The following FSTL5 variants were observed in gnomAD, a reference collection of about 807,000 sequenced individuals.
FSTL5 encodes the protein follistatin-related protein 5.
In FSTL5, 62 loss-of-function variants were observed where a neutral mutation model predicts 89.1. That is an observed-to-expected ratio of 0.70 (90% CI 0.57 to 0.86). The LOEUF is 0.86. Ranked by LOEUF, FSTL5 falls within the 40% of genes least tolerant of loss-of-function variation. The pLI, the probability that FSTL5 is intolerant of heterozygous loss-of-function variation, is 0.00. For missense variants in FSTL5, 1,057 were observed against 1,001.6 expected, an observed-to-expected ratio of 1.06 and a Z score of -0.75; for synonymous variants, 383 against 346.2, an observed-to-expected ratio of 1.11 and a Z score of -1.18.
rs904179284 is a variant in FSTL5, at chr4:161,529,661, T to G, written c.1312+8505A>C. On this transcript the variant is annotated intron_variant, in intron 10 of 15. Transcript: ENST00000306100. ...TATATTTAATAAAATATATGAAAATTAATATTTTTATTCATTGATTTATTT... is the reference window on the plus strand; with the variant it reads ...TATATTTAATAAAATATATGAAAATGAATATTTTTATTCATTGATTTATTT... 5.4e-4 allele frequency among the ~76,000 whole-genome samples: 77 copies of G among 141,956 alleles called. 11 individuals are homozygous for G. Among genetic ancestry groups the G allele is most frequent in the Admixed American group, 1.4e-3 (18 of 13,160 alleles). 93.1% of individuals were successfully genotyped at this position (141,956 alleles called of 152,430 possible).
chr4:161,705,231 C>A (rs1738529428), intron 6 of FSTL5, among the ~76,000 whole-genome samples: 1 of 151,938 alleles, frequency 6.6e-6, no homozygotes, highest in South Asian at 2.1e-4. Flanking sequence ...TTGGCAACTA[C>A]ATCAACACAA....
At chr4:161,455,174 C>T (rs759802638) in intron 14 of FSTL5, 46 bp from the exon 15 acceptor site, 3 of 1,485,998 alleles carry the variant, frequency 2.0e-6, no homozygotes, top group East Asian at 2.4e-5. Flanking sequence ...GCAGTCACTT[C>T]ATAGTATAAG....
At chr4:161,597,616 C>T (rs1734066579) in intron 7 of FSTL5, among the ~76,000 whole-genome samples, 1 of 147,978 alleles carries the variant, frequency 6.8e-6, no homozygotes, top group African/African-American at 2.6e-5. Flanking sequence ...TACGCTAGAA[C>T]TTAAAGTATA....
At chr4:162,029,592 C>T (rs983623628) in intron 3 of FSTL5, among the ~76,000 whole-genome samples, 2 of 152,060 alleles carry the variant, frequency 1.3e-5, no homozygotes, top group African/African-American at 4.8e-5. Flanking sequence ...AATTAGTAAA[C>T]AACCTGGCAA....
chr4:161,945,875 T>C (rs1440906865), intron 3 of FSTL5, among the ~76,000 whole-genome samples: 1 of 152,186 alleles, frequency 6.6e-6, no homozygotes, highest in Non-Finnish European at 1.5e-5. Context: ...CATTTATATG[T>C]ATATGTAAAA....
chr4:161,998,857 AACACACACACACAC>A (rs10585971), intron 3 of FSTL5, among the ~76,000 whole-genome samples: 3 of 146,474 alleles, frequency 2.0e-5, no homozygotes, highest in Admixed American at 6.9e-5. Context: ...ACACACACAC[AACACACACACACAC>A]ACACACACAC....
chr4:161,719,694 C>A (rs1388823813), intron 6 of FSTL5, among the ~76,000 whole-genome samples: 1 of 150,322 alleles, frequency 6.7e-6, no homozygotes, highest in Non-Finnish European at 1.5e-5. Flanking sequence ...AAGTCCTTCA[C>A]CTCCTTGGTT....
At chr4:161,959,089 C>T (rs549594246) in intron 3 of FSTL5, among the ~76,000 whole-genome samples, 9 of 152,212 alleles carry the variant, frequency 5.9e-5, no homozygotes, top group Admixed American at 5.2e-4. Context: ...TCCATTGTTC[C>T]TTGATACCTG....
chr4:161,498,075 T>A (rs1256143677), intron 12 of FSTL5, among the ~76,000 whole-genome samples: 1 of 151,478 alleles, frequency 6.6e-6, no homozygotes, highest in Non-Finnish European at 1.5e-5. Context: ...TGTCTCTATG[T>A]ATGTATATAT....
chr4:161,618,876 C>T (rs186989269), intron 7 of FSTL5, among the ~76,000 whole-genome samples: 7,481 of 152,130 alleles, frequency 0.049, 303 homozygotes, highest in South Asian at 0.18. Context: ...GAGCCTGCAT[C>T]GCCAAGTCAA....
chr4:161,915,687 G>A (rs1370238796), intron 4 of FSTL5, among the ~76,000 whole-genome samples: 2 of 152,010 alleles, frequency 1.3e-5, no homozygotes, highest in East Asian at 3.9e-4. Context: ...TTCTGGCCTC[G>A]AAAATTTTAT....
chr4:161,676,471 G>A (rs1737303262), intron 6 of FSTL5, among the ~76,000 whole-genome samples: 1 of 151,988 alleles, frequency 6.6e-6, no homozygotes, highest in African/African-American at 2.4e-5. Flanking sequence ...CATGGACACA[G>A]GGAGGGGAAC....
intron 4 of FSTL5, among the ~76,000 whole-genome samples, chr4:161,831,762 A>G: frequency 6.6e-6 from 1 of 151,930 alleles, no homozygotes; most frequent in East Asian, 1.9e-4. Flanking sequence ...TATTTGTAAT[A>G]TATCATATTT....
intron 14 of FSTL5, 113 bp from the exon 15 acceptor site, chr4:161,455,241 T>A: frequency 1.4e-6 from 1 of 700,180 alleles, no homozygotes; most frequent in Non-Finnish European, 2.1e-6. Context: ...GCATAGACTT[T>A]ATGCCATCCT....
At chr4:161,823,352 C>A (rs1730554451) in intron 4 of FSTL5, among the ~76,000 whole-genome samples, 1 of 152,110 alleles carries the variant, frequency 6.6e-6, no homozygotes, top group African/African-American at 2.4e-5. Context: ...AAGGTGCTCT[C>A]AGAGCCCCCT....
At chr4:161,550,983 T>C (rs962582756) in intron 8 of FSTL5, among the ~76,000 whole-genome samples, 4 of 126,514 alleles carry the variant, frequency 3.2e-5, no homozygotes, top group African/African-American at 5.6e-5. Context: ...CAGTCTATCA[T>C]TGTTGGACAT....
At position 162,112,810 on chromosome 4, in the gene FSTL5, CA is replaced by C. The variant is rs1731498454; in HGVS notation, c.-16-1399del. Among the ~76,000 whole-genome samples, 6 of 149,662 alleles carry C rather than the reference CA, an allele frequency of 4.0e-5. No individual in the cohort carries two copies. In the East Asian group the frequency reaches 9.7e-4, roughly 24 times the overall value. ...ACACACACACACACACACACACACA[CA>C]CACACCAGTGGGCATTCCTAATCCA... On this transcript the variant is annotated intron_variant, in intron 1 of 15. Coordinates refer to ENST00000306100, the MANE Select transcript of FSTL5 (RefSeq NM_020116.5).
chr4:161,496,570 A>C (rs1231063721), intron 12 of FSTL5, among the ~76,000 whole-genome samples: 1 of 152,150 alleles, frequency 6.6e-6, no homozygotes, highest in Non-Finnish European at 1.5e-5. Context: ...TGCTCTATGA[A>C]TTTAAGATTC....
At chr4:161,836,331 T>C in intron 4 of FSTL5, among the ~76,000 whole-genome samples, 1 of 148,668 alleles carries the variant, frequency 6.7e-6, no homozygotes, top group Admixed American at 6.7e-5. Flanking sequence ...GAAGGGACAG[T>C]TTTAGGAGAT....
Sources: allele counts gnomAD v4.1 joint callset (sites outside exome capture counted in the v4.1 genomes callset), GRCh38; gene constraint gnomAD v4.1.1; transcripts MANE v1.5; gene names NCBI Gene and HGNC (gene_info 2026-07-23, HGNC 2026-07-21).